The following DPP6 variants were observed in gnomAD, a reference collection of about 807,000 sequenced individuals.
DPP6 encodes dipeptidyl peptidase like 6.
Under a neutral mutation model 122.6 loss-of-function variants are expected in DPP6, and 69 were observed. That is an observed-to-expected ratio of 0.56 (90% CI 0.46 to 0.69). The LOEUF (loss-of-function observed/expected upper bound fraction) is 0.69, where lower values mean the gene tolerates loss of function less well. Among genes scored for constraint, DPP6 ranks in the 30% least tolerant of loss-of-function variants. DPP6 has a pLI of 0.00. For synonymous variants in DPP6, 418 were observed against 433.1 expected (o/e 0.97, Z 0.43); for missense variants, 928 against 1,116.9 (o/e 0.83, Z 2.41).
In DPP6 at chr7:154,212,167, A is replaced by AC. The variant is rs78017028; in HGVS notation, c.243+159105dup. On this transcript the variant is annotated intron_variant, in intron 1 of 25. Transcript: ENST00000377770. ...CCATGCCTGCCTCTTCTCTGTGGAG[A>AC]CAACTTCAACTTCAGAAAACGTTAG... Among the ~76,000 whole-genome samples the AC allele has an allele frequency of 2.0e-3, 307 of 152,254 alleles. 10 individuals carry two copies. In the East Asian group the frequency reaches 0.051, roughly 25 times the overall value.
At chr7:154,859,347 GCTC>G (rs1803124758) in intron 17 of DPP6, among the ~76,000 whole-genome samples, 1 of 152,254 alleles carries the variant, frequency 6.6e-6, no homozygotes, top group Non-Finnish European at 1.5e-5. Flanking sequence ...CGGGGAGCCG[GCTC>G]CTGAGCCGCT....
chr7:153,800,527 A>G, the DPP6 span, among the ~76,000 whole-genome samples: 1 of 152,018 alleles, frequency 6.6e-6, no homozygotes, highest in Non-Finnish European at 1.5e-5. Context: ...AGTTAACGAA[A>G]CTTTTTTTTA....
intron 11 of DPP6, 92 bp downstream of exon 11, chr7:154,794,294 G>A (rs1017600260): frequency 4.2e-6 from 6 of 1,425,634 alleles, no homozygotes; most frequent in Non-Finnish European, 5.5e-6. Flanking sequence ...CAGCCCTCGG[G>A]CCTGGGACTT....
intron 1 of DPP6, among the ~76,000 whole-genome samples, chr7:154,252,134 C>G (rs1200002715): frequency 6.6e-6 from 1 of 152,168 alleles, no homozygotes; most frequent in African/African-American, 2.4e-5. Flanking sequence ...ATTAACACAT[C>G]CTATTGGTTG....
intron 1 of DPP6, among the ~76,000 whole-genome samples, chr7:154,295,924 G>T (rs1805506263): frequency 6.7e-6 from 1 of 148,674 alleles, no homozygotes; most frequent in South Asian, 2.1e-4. Context: ...ATTGCTCTGT[G>T]TATGCATAAA....
At chr7:154,735,031 G>A (rs113166617) in intron 8 of DPP6, among the ~76,000 whole-genome samples, 269 of 152,310 alleles carry the variant, frequency 1.8e-3, no homozygotes, top group Middle Eastern at 0.01. Context: ...TGCAATGTCA[G>A]GAATCGGAAG....
chr7:154,806,326 G>A (rs1400026533), intron 15 of DPP6, among the ~76,000 whole-genome samples: 1 of 152,158 alleles, frequency 6.6e-6, no homozygotes, highest in Admixed American at 6.5e-5. Flanking sequence ...AGGTAGATCC[G>A]GTATCTTAGG....
chr7:154,837,027 TG>T (rs1290750608), intron 16 of DPP6, among the ~76,000 whole-genome samples: 1 of 152,224 alleles, frequency 6.6e-6, no homozygotes, highest in Non-Finnish European at 1.5e-5. Context: ...TAATGAGTCC[TG>T]GGCTGGTGTG....
intron 19 of DPP6, among the ~76,000 whole-genome samples, chr7:154,874,774 T>C (rs1465438441): frequency 6.6e-6 from 1 of 152,168 alleles, no homozygotes; most frequent in Non-Finnish European, 1.5e-5. Context: ...TGGGGCTGAC[T>C]TTCTCTCCTG....
intron 3 of DPP6, among the ~76,000 whole-genome samples, chr7:154,536,177 A>C (rs1012060488): frequency 1.6e-4 from 25 of 152,278 alleles, no homozygotes; most frequent in African/African-American, 6.0e-4. Flanking sequence ...ATGGTAAGTG[A>C]AAGGAGAGAA....
At chr7:154,665,313 T>G (rs1412824156) in intron 6 of DPP6, among the ~76,000 whole-genome samples, 1 of 152,326 alleles carries the variant, frequency 6.6e-6, no homozygotes, top group East Asian at 1.9e-4. Flanking sequence ...CACTGTAAAT[T>G]TGATGATTTG....
intron 3 of DPP6, among the ~76,000 whole-genome samples, chr7:154,515,568 T>C (rs1159851153): frequency 6.6e-6 from 1 of 151,984 alleles, no homozygotes; most frequent in African/African-American, 2.4e-5. Flanking sequence ...CTCTGTCTCC[T>C]GGGTTCAAGC....
intron 1 of DPP6, among the ~76,000 whole-genome samples, chr7:154,253,125 G>A (rs774787947): frequency 7.9e-5 from 12 of 152,148 alleles, no homozygotes; most frequent in Admixed American, 1.3e-4. Flanking sequence ...GACATAGAGC[G>A]ATCACATCAT....
chr7:154,375,369 G>C (rs1813043345), intron 1 of DPP6, among the ~76,000 whole-genome samples: 1 of 152,082 alleles, frequency 6.6e-6, no homozygotes, highest in African/African-American at 2.4e-5. Flanking sequence ...AGTGAGGCAG[G>C]ACCCGGAAAG....
chr7:153,789,473 T>C, the DPP6 span, among the ~76,000 whole-genome samples: 1 of 152,198 alleles, frequency 6.6e-6, no homozygotes, highest in Non-Finnish European at 1.5e-5. Context: ...GGTAGTCAGA[T>C]GTTTTTATCT....
chr7:154,768,492 T>C (rs1796043749), intron 8 of DPP6, among the ~76,000 whole-genome samples: 1 of 152,198 alleles, frequency 6.6e-6, no homozygotes, highest in South Asian at 2.1e-4. Flanking sequence ...GAAGCAAATC[T>C]AGAGGGAATT....
the DPP6 span, among the ~76,000 whole-genome samples, chr7:153,877,104 TA>T: frequency 2.0e-5 from 3 of 152,008 alleles, no homozygotes; most frequent in Non-Finnish European, 4.4e-5. Context: ...ACTAAATTTG[TA>T]AAAACAAAAA....
At chr7:153,850,943 C>T in the DPP6 span, among the ~76,000 whole-genome samples, 1 of 152,130 alleles carries the variant, frequency 6.6e-6, no homozygotes, top group Non-Finnish European at 1.5e-5. Flanking sequence ...AGGTAAGAAT[C>T]CTGGGGCTAC....
chr7:154,787,663 C>A (rs548701139), intron 10 of DPP6, among the ~76,000 whole-genome samples: 22 of 152,290 alleles, frequency 1.4e-4, no homozygotes, highest in African/African-American at 5.3e-4. Flanking sequence ...AAATTCATTT[C>A]TTTAACCAAT....
Sources: gnomAD v4.1 joint callset for allele counts (sites outside exome capture counted in the v4.1 genomes callset) on GRCh38, gnomAD v4.1.1 for gene constraint, MANE v1.5 for transcripts, NCBI Gene and HGNC (gene_info 2026-07-23, HGNC 2026-07-21) for gene names.